The following DNASE1 variants were observed in gnomAD, a reference collection of about 807,000 sequenced individuals.
DNASE1 encodes deoxyribonuclease-1.
Under a neutral mutation model 33.9 loss-of-function variants are expected in DNASE1, and 40 were observed. The observed-to-expected ratio is 1.18, with a 90% confidence interval of 0.92 to 1.54. DNASE1 has a LOEUF of 1.54. DNASE1 is among the 40% of genes most tolerant of loss of function. The pLI, the probability that DNASE1 is intolerant of heterozygous loss-of-function variation, is 0.00. For missense variants in DNASE1, 518 were observed against 372.6 expected, an observed-to-expected ratio of 1.39 and a Z score of -3.21; for synonymous variants, 216 against 160.0, an observed-to-expected ratio of 1.35 and a Z score of -2.64.
chr16:3,656,835 GTC>G, intron 5 of DNASE1, 82 bp downstream of exon 5: 1 of 1,543,742 alleles, frequency 6.5e-7, no homozygotes, highest in African/African-American at 1.4e-5. Flanking sequence ...GAATGCCTGT[GTC>G]ACACACTGCC....
At chr16:3,640,293 G>A (rs144347551), upstream of DNASE1, among the ~76,000 whole-genome samples, 5 of 152,290 alleles carry the variant, frequency 3.3e-5, no homozygotes, top group African/African-American at 1.2e-4. Flanking sequence ...TGCAGATCCT[G>A]GCTCTGCCTC....
intron 1 of DNASE1, among the ~76,000 whole-genome samples, chr16:3,634,377 C>T (rs1052022584): frequency 4.0e-5 from 6 of 151,684 alleles, no homozygotes; most frequent in Admixed American, 1.3e-4. Context: ...TACAGGTGCC[C>T]GCCACCATGC....
chr16:3,651,167 C>T (rs1452504140), upstream of DNASE1: 1 of 152,194 alleles, frequency 6.6e-6, no homozygotes, highest in African/African-American at 2.4e-5. Flanking sequence ...CGGCCACCAG[C>T]GTTCCTTTGA....
chr16:3,656,133 A>G lies in DNASE1; in HGVS notation c.268A>G (p.Ser90Gly). 6.2e-7 allele frequency: 1 copy of G among 1,614,124 alleles called. No individual in the cohort carries two copies. The highest frequency in any genetic ancestry group is 8.5e-7 in the Non-Finnish European group (1 of 1,180,018). Residue 90 changes from serine (S) to glycine (G), a missense_variant, in exon 4 of 9, where the codon AGT (serine) becomes GGT (glycine). Physicochemically the swap from Ser to Gly is moderately conservative, Grantham distance 56. Transcript: ENST00000246949. ...ACCAGACACCTATCACTACGTGGTC[A>G]GTGAGCCACTGGGACGGAACAGCTA... Reference protein sequence around the residue: ...DAPDTYHYVVSEPLGRNSYKE... With the variant: ...DAPDTYHYVVGEPLGRNSYKE...
At chr16:3,647,338 G>A (rs984532247) in intron 1 of DNASE1, among the ~76,000 whole-genome samples, 1 of 149,850 alleles carries the variant, frequency 6.7e-6, no homozygotes, top group Non-Finnish European at 1.5e-5. Flanking sequence ...CAGTGGTGCA[G>A]TCATGGCCCA....
downstream of DNASE1, chr16:3,662,865 C>T (rs758139154): frequency 1.2e-6 from 2 of 1,612,984 alleles, no homozygotes; most frequent in South Asian, 1.1e-5. Context: ...GGTGGTCCAT[C>T]CCCGGGAAAG....
chr16:3,654,995 G>A lies in DNASE1; in HGVS notation c.-51G>A, dbSNP rs2042501942. The A allele has an allele frequency of 2.1e-6, 1 of 485,564 alleles. No homozygotes were observed. 30.1% of individuals were successfully genotyped at this position (485,564 alleles called of 1,614,324 possible). The stretch of plus-strand genomic sequence containing the variant: ...AAAATTGTCATCAAAGGATATTCCA[G>A]ATTCTTGACAGCATTCTCGTCATCT... On this transcript the variant is annotated 5_prime_UTR_variant, in exon 1 of 9. Transcript: ENST00000246949.
chr16:3,662,222 C>T, downstream of DNASE1: 5 of 1,489,338 alleles, frequency 3.4e-6, no homozygotes, highest in South Asian at 2.6e-5. Context: ...TCACCCAGAC[C>T]ACGAGGTAGC....
At chr16:3,662,972 G>A (rs367791292), downstream of DNASE1, 54 of 1,604,638 alleles carry the variant, frequency 3.4e-5, no homozygotes, top group Middle Eastern at 1.8e-3. Flanking sequence ...CGGCGGCTGC[G>A]GAAGAGCAGG....
intron 1 of DNASE1, among the ~76,000 whole-genome samples, chr16:3,645,735 G>T (rs1299465631): frequency 6.6e-6 from 1 of 152,220 alleles, no homozygotes; most frequent in Non-Finnish European, 1.5e-5. Flanking sequence ...TGCAGCTGTT[G>T]TAAGTCTTTG....
At chr16:3,619,674 TAAAA>T (rs112990379) in intron 1 of DNASE1, among the ~76,000 whole-genome samples, 1 of 150,678 alleles carries the variant, frequency 6.6e-6, no homozygotes, top group Non-Finnish European at 1.5e-5. Context: ...TGTAGGTAAT[TAAAA>T]AAAAAATTTT....
downstream of DNASE1, chr16:3,661,986 C>G: frequency 6.2e-7 from 1 of 1,603,884 alleles, no homozygotes; most frequent in Non-Finnish European, 8.5e-7. Flanking sequence ...CGTGGCCTCA[C>G]CTGGGGTTGA....
intron 1 of DNASE1, among the ~76,000 whole-genome samples, chr16:3,628,387 T>G (rs2041587072): frequency 6.6e-6 from 1 of 152,014 alleles, no homozygotes; most frequent in African/African-American, 2.4e-5. Context: ...TGAATTAATT[T>G]TACTTTTTTC....
At chr16:3,626,939 A>G (rs1466944868) in intron 1 of DNASE1, among the ~76,000 whole-genome samples, 1 of 152,134 alleles carries the variant, frequency 6.6e-6, no homozygotes, top group African/African-American at 2.4e-5. Context: ...TGATGTGATC[A>G]AAACTCACTG....
At chr16:3,639,019 T>C (rs1448909913), upstream of DNASE1, among the ~76,000 whole-genome samples, 1 of 152,250 alleles carries the variant, frequency 6.6e-6, no homozygotes, top group East Asian at 1.9e-4. Flanking sequence ...TATGCCGAAC[T>C]ATTGTCCTTG....
upstream of DNASE1, chr16:3,651,348 TC>T (rs2042331621): frequency 6.6e-6 from 1 of 152,228 alleles, no homozygotes; most frequent in Admixed American, 6.5e-5. Flanking sequence ...CTGCAGATCC[TC>T]GGGGTTGGTG....
At chr16:3,630,434 A>C (rs534512902) in intron 1 of DNASE1, among the ~76,000 whole-genome samples, 1 of 152,182 alleles carries the variant, frequency 6.6e-6, no homozygotes, top group African/African-American at 2.4e-5. Context: ...TGCCCACCTC[A>C]GTCTCCCAAA....
At chr16:3,625,681 AG>A (rs2041486295) in intron 1 of DNASE1, among the ~76,000 whole-genome samples, 1 of 152,172 alleles carries the variant, frequency 6.6e-6, no homozygotes, top group Non-Finnish European at 1.5e-5. Flanking sequence ...AAAAAGGCAT[AG>A]GAGGGAATCT....
chr16:3,621,119 A>T (rs1025895453), intron 1 of DNASE1, among the ~76,000 whole-genome samples: 97 of 151,898 alleles, frequency 6.4e-4, no homozygotes, highest in African/African-American at 2.2e-3. Context: ...TTTTTTAGAG[A>T]CAGGGTTTTG....
Sources: gnomAD v4.1 joint callset for allele counts (sites outside exome capture counted in the v4.1 genomes callset) on GRCh38, gnomAD v4.1.1 for gene constraint, MANE v1.5 for transcripts, NCBI Gene and HGNC (gene_info 2026-07-23, HGNC 2026-07-21) for gene names.